Variants in ERCC6 observed in about 807,000 individuals in gnomAD.
The protein encoded by ERCC6 is ERCC excision repair 6, chromatin remodeling factor, also known as DNA excision repair protein ERCC-6.
ERCC6 carries 116 observed loss-of-function variants against 158.7 expected under a neutral mutation model. That is an observed-to-expected ratio of 0.73 (90% CI 0.63 to 0.85). The LOEUF (loss-of-function observed/expected upper bound fraction) is 0.85. Ranked by LOEUF, ERCC6 falls within the 40% of genes least tolerant of loss-of-function variation. The pLI, the probability that ERCC6 is intolerant of heterozygous loss-of-function variation, is 0.00. For missense variants in ERCC6, 1,698 were observed against 1,799.4 expected (o/e 0.94, Z 1.02); for synonymous variants, 678 against 659.3 (o/e 1.03, Z -0.43).
intron 5 of ERCC6, 99 bp from the exon 6 acceptor site, chr10:49,506,111 G>C: frequency 7.1e-7 from 1 of 1,417,710 alleles, no homozygotes; most frequent in South Asian, 1.2e-5. Context: ...AGGCAAATTA[G>C]AACGGTCTCT....
At chr10:49,495,587 G>A (rs10776576) in intron 7 of ERCC6, among the ~76,000 whole-genome samples, 26,137 of 151,910 alleles carry the variant, frequency 0.17, 2,599 homozygotes, top group East Asian at 0.47. Context: ...TCTCACTGCC[G>A]ATATCCCCAA....
chr10:49,485,969 G>A (rs1056497848), intron 8 of ERCC6, among the ~76,000 whole-genome samples: 3 of 152,136 alleles, frequency 2.0e-5, no homozygotes, highest in African/African-American at 7.2e-5. Context: ...GTTGTAATAT[G>A]GGAATTATCA....
At chr10:49,532,423 C>T (rs981097134) in intron 2 of ERCC6, 120 bp downstream of exon 2, 2 of 1,498,092 alleles carry the variant, frequency 1.3e-6, no homozygotes, top group African/African-American at 2.8e-5. Flanking sequence ...TGACTCTGTC[C>T]TCCAAATAAA....
At chr10:49,461,300 T>C (rs1479956031) in intron 19 of ERCC6, 52 bp downstream of exon 19, 1 of 1,560,430 alleles carries the variant, frequency 6.4e-7, no homozygotes, top group Non-Finnish European at 8.8e-7. Flanking sequence ...ATTTTATTTC[T>C]AGCCTTAGTT....
intron 1 of ERCC6, among the ~76,000 whole-genome samples, chr10:49,537,810 C>T (rs1837638576): frequency 6.6e-6 from 1 of 152,176 alleles, no homozygotes; most frequent in South Asian, 2.1e-4. Flanking sequence ...GCAACCTCCG[C>T]CTTCCGGGTT....
At chr10:49,514,948 G>A (rs1238656670) in intron 5 of ERCC6, among the ~76,000 whole-genome samples, 1 of 152,170 alleles carries the variant, frequency 6.6e-6, no homozygotes, top group Non-Finnish European at 1.5e-5. Flanking sequence ...AATACCCTCA[G>A]TTAGGAGTGC....
At position 49,470,239 on chromosome 10, in the gene ERCC6, C is replaced by T. The variant is rs761827662; in HGVS notation, c.3721G>A (p.Glu1241Lys). Residue 1241 changes from glutamate to lysine, a missense_variant, in exon 18 of 21, where the codon GAG becomes AAG. Coordinates refer to ENST00000355832, the MANE Select transcript of ERCC6 (RefSeq NM_000124.4). ...TCGTCATTGCTCTGTTCCTTGGCCT[C>T]ACTCTTGTTTTCACTGTCTTGCTTC... is the stretch of plus-strand genomic sequence containing the variant. ...YQKQDSENKS[E>K]AKEQSNDDYV... 3.1e-6 allele frequency: 5 copies of T among 1,614,182 alleles called. No homozygotes were observed. In the South Asian group the frequency reaches 5.5e-5, roughly 18 times the overall value.
intron 5 of ERCC6, chr10:49,517,019 A>G: frequency 6.2e-7 from 1 of 1,613,834 alleles, no homozygotes. Flanking sequence ...GTGCTGTAGC[A>G]TTTTCAGGTG....
rs1226235824 is a variant in ERCC6, at chr10:49,500,811, G to C, written c.1527-115C>G. 2.9e-6 allele frequency: 3 copies of C among 1,043,966 alleles called. No homozygotes were observed. The East Asian group carries it at 7.4e-5, about 26-fold the overall frequency. 64.7% of individuals were successfully genotyped at this position (1,043,966 alleles called of 1,614,324 possible). ...TGGCTAGGTTCTAGTACCAGTCAGA[G>C]AAACATGCGGGATGTGTGTTTTACA... is the stretch of plus-strand genomic sequence containing the variant. On this transcript the variant is annotated intron_variant, in intron 6 of 20. Coordinates refer to ENST00000355832, the MANE Select transcript of ERCC6 (RefSeq NM_000124.4).
rs541760333 is a variant in ERCC6, at chr10:49,514,369, A to AC, written c.1398-8358dup. On this transcript the variant is annotated intron_variant, in intron 5 of 20. Transcript: ENST00000355832. ...TTTTATACTAGACAAATCAATGTACACAACTGCCCATACCAACACACAAAA... is the reference window on the plus strand; with the variant it reads ...TTTTATACTAGACAAATCAATGTACACCAACTGCCCATACCAACACACAAAA... Among the ~76,000 whole-genome samples the AC allele has an allele frequency of 1.7e-3, 260 of 152,360 alleles. 1 individual carries two copies. Among genetic ancestry groups the AC allele is most frequent in the African/African-American group, 5.9e-3 (245 of 41,584 alleles).
intron 18 of ERCC6, among the ~76,000 whole-genome samples, chr10:49,462,574 A>G (rs886956756): frequency 1.3e-5 from 2 of 152,212 alleles, no homozygotes; most frequent in African/African-American, 4.8e-5. Context: ...ACATATATGA[A>G]AAATGAAAAG....
At chr10:49,438,008 A>C in the ERCC6 span, among the ~76,000 whole-genome samples, 1 of 152,342 alleles carries the variant, frequency 6.6e-6, no homozygotes, top group Non-Finnish European at 1.5e-5. Context: ...AATAGTTGTC[A>C]TACTGTATTG....
intron 10 of ERCC6, among the ~76,000 whole-genome samples, chr10:49,479,123 C>T (rs908706535): frequency 1.3e-5 from 2 of 151,374 alleles, no homozygotes; most frequent in Admixed American, 1.3e-4. Flanking sequence ...AAAAAAAAGC[C>T]CCACAGCCCA....
At chr10:49,461,743 C>T (rs1226400261) in intron 18 of ERCC6, among the ~76,000 whole-genome samples, 187 bp from the exon 19 acceptor site, 1 of 152,134 alleles carries the variant, frequency 6.6e-6, no homozygotes, top group Non-Finnish European at 1.5e-5. Flanking sequence ...AAAATTCACA[C>T]ACAGAAACCT....
intron 6 of ERCC6, 44 bp from the exon 7 acceptor site, chr10:49,500,740 G>A (rs1308549037): frequency 1.9e-6 from 3 of 1,602,772 alleles, no homozygotes; most frequent in Non-Finnish European, 2.6e-6. Flanking sequence ...ATGGCAAATG[G>A]TGGATAATAC....
intron 18 of ERCC6, among the ~76,000 whole-genome samples, chr10:49,463,984 T>A (rs774638955): frequency 1.3e-5 from 2 of 152,158 alleles, no homozygotes; most frequent in Non-Finnish European, 2.9e-5. Flanking sequence ...GGAGGTGCGC[T>A]CCTGAAAAGA....
intron 10 of ERCC6, among the ~76,000 whole-genome samples, chr10:49,482,421 C>A (rs531517895): frequency 2.0e-5 from 3 of 152,144 alleles, no homozygotes; most frequent in Non-Finnish European, 4.4e-5. Context: ...GGAACAATGC[C>A]AAAACTGTTT....
chr10:49,531,810 T>A (rs553237836), intron 2 of ERCC6, among the ~76,000 whole-genome samples: 7 of 152,218 alleles, frequency 4.6e-5, no homozygotes, highest in African/African-American at 7.2e-5. Context: ...CCATCCTCCA[T>A]CCCGTTCAGC....
At chr10:49,478,503 T>C (rs756910210) in intron 10 of ERCC6, 33 bp from the exon 11 acceptor site, 2 of 1,309,904 alleles carry the variant, frequency 1.5e-6, no homozygotes, top group Non-Finnish European at 2.2e-6. Flanking sequence ...AACATTACTA[T>C]ATATGTTTAA....
Sources: gnomAD v4.1 joint callset for allele counts (sites outside exome capture counted in the v4.1 genomes callset) on GRCh38, gnomAD v4.1.1 for gene constraint, MANE v1.5 for transcripts, NCBI Gene and HGNC (gene_info 2026-07-23, HGNC 2026-07-21) for gene names.